LRP1B: variants seen among roughly 807,000 people sequenced by gnomAD.
The protein encoded by LRP1B is low-density lipoprotein receptor-related protein 1B.
LRP1B carries 217 observed loss-of-function variants against 556.6 expected under a neutral mutation model. The observed-to-expected ratio is 0.39, with a 90% CI of 0.35 to 0.44. The LOEUF is 0.44. LRP1B is among the 20% of genes least tolerant of loss of function. The pLI is 1.00. For missense variants in LRP1B, 5,053 were observed against 5,620.8 expected, an observed-to-expected ratio of 0.90 and a Z score of 3.23; for synonymous variants, 2,047 against 1,865.8, an observed-to-expected ratio of 1.10 and a Z score of -2.50.
In LRP1B at chr2:141,245,561, T is replaced by G. The variant is rs574337120; in HGVS notation, c.592+1665A>C. 2.6e-5 allele frequency among the ~76,000 whole-genome samples: 4 copies of G among 152,304 alleles called. No homozygotes were observed. In the South Asian group the frequency reaches 8.3e-4, roughly 32 times the overall value. Reference sequence around the variant, plus strand: ...AAAATGCCTGATATGAAACTACCTTTGGAGGAAGTTAGAAGAAGCCAGATG... The same window carrying G: ...AAAATGCCTGATATGAAACTACCTTGGGAGGAAGTTAGAAGAAGCCAGATG... On this transcript the variant is annotated intron_variant, in intron 5 of 90. Coordinates refer to ENST00000389484, the MANE Select transcript of LRP1B (RefSeq NM_018557.3).
At chr2:141,946,998 T>C (rs1700970708) in intron 1 of LRP1B, among the ~76,000 whole-genome samples, 1 of 152,162 alleles carries the variant, frequency 6.6e-6, no homozygotes, top group Admixed American at 6.6e-5. Flanking sequence ...GAAGAATTTT[T>C]TTTGTCCCAA....
intron 1 of LRP1B, among the ~76,000 whole-genome samples, chr2:142,119,402 C>T (rs182655365): frequency 0.059 from 9,007 of 152,186 alleles, 356 homozygotes; most frequent in Non-Finnish European, 0.083. Flanking sequence ...TGTTTAGATG[C>T]TCTTCATAAC....
chr2:141,381,068 A>T (rs1287088541), intron 3 of LRP1B, among the ~76,000 whole-genome samples: 1 of 152,118 alleles, frequency 6.6e-6, no homozygotes, highest in Admixed American at 6.6e-5. Flanking sequence ...AAGAAAAAAG[A>T]TAATCTCCAG....
chr2:141,894,489 G>A (rs1310279351), intron 1 of LRP1B, among the ~76,000 whole-genome samples: 1 of 151,950 alleles, frequency 6.6e-6, no homozygotes, highest in South Asian at 2.1e-4. Flanking sequence ...CAAACCAGCT[G>A]TAAGACATTA....
At chr2:141,090,800 T>A (rs1449264785) in intron 7 of LRP1B, among the ~76,000 whole-genome samples, 2 of 152,178 alleles carry the variant, frequency 1.3e-5, no homozygotes, top group Non-Finnish European at 2.9e-5. Flanking sequence ...TTTATTAGTA[T>A]CTAGGGGTAG....
intron 41 of LRP1B, among the ~76,000 whole-genome samples, chr2:140,605,621 TTCTC>T (rs969583759): frequency 2.6e-4 from 39 of 151,982 alleles, no homozygotes; most frequent in African/African-American, 8.7e-4. Context: ...TCTTCTTTCT[TTCTC>T]TCTCTGCTTC....
chr2:141,112,068 A>ACAT (rs1244324922), intron 7 of LRP1B, among the ~76,000 whole-genome samples: 2 of 107,524 alleles, frequency 1.9e-5, no homozygotes, highest in Non-Finnish European at 3.9e-5. Flanking sequence ...ATAAATAAAT[A>ACAT]AATAATAAAT....
chr2:140,509,083 A>AAACAC lies in LRP1B; in HGVS notation c.8398+844_8398+845insGTGTT, dbSNP rs1689543104. ...CCCTGCACACACACACACACACACA[A>AAACAC]ACACACACACACACACACACACACA... is the stretch of plus-strand genomic sequence containing the variant. On this transcript the variant is annotated intron_variant, in intron 52 of 90. Transcript: ENST00000389484. Among the ~76,000 whole-genome samples the AAACAC allele has an allele frequency of 6.5e-3, 970 of 148,876 alleles. 10 individuals carry two copies. Among genetic ancestry groups the AAACAC allele is most frequent in the African/African-American group, 0.022 (871 of 40,246 alleles).
intron 18 of LRP1B, among the ~76,000 whole-genome samples, chr2:140,964,448 TG>T (rs1439092282): frequency 6.6e-6 from 1 of 152,096 alleles, no homozygotes; most frequent in Non-Finnish European, 1.5e-5. Flanking sequence ...TAGCGGGTGT[TG>T]TTTCTTGACA....
rs539405162 is a variant in LRP1B, at chr2:141,698,097, T to C, written c.205+112182A>G. Among the ~76,000 whole-genome samples the C allele has an allele frequency of 7.2e-5, 11 of 152,066 alleles. No homozygotes were observed. In the East Asian group the frequency reaches 1.8e-3, roughly 24 times the overall value. On this transcript the variant is annotated intron_variant, in intron 2 of 90. Coordinates refer to ENST00000389484, the MANE Select transcript of LRP1B (RefSeq NM_018557.3). ...AGAGAAAAGCTTAAAGGTCAGTGAC[T>C]GCATGAAAGCATTCTTACTTTGTGC...
chr2:142,073,156 C>T (rs968522056), intron 1 of LRP1B, among the ~76,000 whole-genome samples: 4 of 152,018 alleles, frequency 2.6e-5, no homozygotes, highest in Admixed American at 1.3e-4. Flanking sequence ...ATAAAATAAA[C>T]ATTAGTAGGA....
At chr2:141,547,850 T>C (rs1685608195) in intron 2 of LRP1B, among the ~76,000 whole-genome samples, 1 of 151,460 alleles carries the variant, frequency 6.6e-6, no homozygotes, top group African/African-American at 2.5e-5. Flanking sequence ...AAGGTGGGCC[T>C]TATTGTCTAG....
chr2:142,108,873 C>A lies in LRP1B; in HGVS notation c.82+21775G>T, dbSNP rs190969005. Among the ~76,000 whole-genome samples, 13 of 152,314 alleles carry A rather than the reference C, an allele frequency of 8.5e-5. No individual in the cohort carries two copies. The East Asian group carries it at 2.1e-3, about 25-fold the overall frequency. ...ATAGATACTCACATTGCTCCACACA[C>A]CTGAGACCTAGTTATATTTTTGTCT... On this transcript the variant is annotated intron_variant, in intron 1 of 90. Coordinates refer to ENST00000389484, the MANE Select transcript of LRP1B (RefSeq NM_018557.3).
At chr2:142,048,893 A>G (rs1704349568) in intron 1 of LRP1B, among the ~76,000 whole-genome samples, 1 of 152,080 alleles carries the variant, frequency 6.6e-6, no homozygotes, top group Admixed American at 6.6e-5. Flanking sequence ...ATCAGGCCTG[A>G]AAAGTACTTG....
At chr2:141,916,753 A>G (rs1379389662) in intron 1 of LRP1B, among the ~76,000 whole-genome samples, 1 of 151,984 alleles carries the variant, frequency 6.6e-6, no homozygotes, top group African/African-American at 2.4e-5. Context: ...AACGATAGAC[A>G]CTGGGAACTA....
At chr2:141,225,647 A>G (rs1683218694) in intron 6 of LRP1B, among the ~76,000 whole-genome samples, 1 of 152,196 alleles carries the variant, frequency 6.6e-6, no homozygotes, top group Non-Finnish European at 1.5e-5. Context: ...CTAAAATGCT[A>G]AATAATAAAT....
rs11465120 is a variant in LRP1B at position 141,424,113 on chromosome 2, C to CTTTTTTTTTT, written c.343+56273_343+56282dup. On this transcript the variant is annotated intron_variant, in intron 3 of 90. Coordinates refer to ENST00000389484, the MANE Select transcript of LRP1B (RefSeq NM_018557.3). ...GGAGTTAACTATTACAAGCCTTCAT[C>CTTTTTTTTTT]TTTTTTTTTTTTTTTTTGAGATGGG... 2.9e-5 allele frequency among the ~76,000 whole-genome samples: 4 copies of CTTTTTTTTTT among 137,004 alleles called. 2 individuals are homozygous for CTTTTTTTTTT. The highest frequency in any genetic ancestry group is 3.1e-5 in the Non-Finnish European group (2 of 64,600). 89.9% of individuals were successfully genotyped at this position (137,004 alleles called of 152,430 possible).
At chr2:140,701,199 A>G (rs2105423899) in intron 40 of LRP1B, among the ~76,000 whole-genome samples, 1 of 152,216 alleles carries the variant, frequency 6.6e-6, no homozygotes, top group Non-Finnish European at 1.5e-5. Context: ...CAAAAAAGTT[A>G]GTTACAATTT....
At chr2:141,131,598 A>C (rs1209922385) in intron 7 of LRP1B, among the ~76,000 whole-genome samples, 1 of 151,724 alleles carries the variant, frequency 6.6e-6, no homozygotes, top group African/African-American at 2.4e-5. Context: ...AAATGAATTA[A>C]AGATCTGAAC....
Sources: allele counts gnomAD v4.1 joint callset (sites outside exome capture counted in the v4.1 genomes callset), GRCh38; gene constraint gnomAD v4.1.1; transcripts MANE v1.5; gene names NCBI Gene and HGNC (gene_info 2026-07-23, HGNC 2026-07-21).